Variants in NRCAM observed in about 807,000 individuals in gnomAD.
NRCAM encodes the protein neuronal cell adhesion molecule.
NRCAM carries 83 observed loss-of-function variants against 156.5 expected under a neutral mutation model. That is an observed-to-expected ratio of 0.53 (90% CI 0.44 to 0.64). The LOEUF is 0.64. NRCAM is among the 30% of genes least tolerant of loss of function. The pLI, the probability that NRCAM is intolerant of heterozygous loss-of-function variation, is 0.00. For synonymous variants in NRCAM, 538 were observed against 563.9 expected, an observed-to-expected ratio of 0.95 and a Z score of 0.65; for missense variants, 1,417 against 1,597.3, an observed-to-expected ratio of 0.89 and a Z score of 1.92.
intron 30 of NRCAM, among the ~76,000 whole-genome samples, chr7:108,162,291 C>T (rs1297989384): frequency 6.6e-6 from 1 of 152,232 alleles, no homozygotes; most frequent in Non-Finnish European, 1.5e-5. Flanking sequence ...TAGGCACTTC[C>T]TATTCTGAGA....
chr7:108,380,248 T>C (rs2099695087), intron 2 of NRCAM, among the ~76,000 whole-genome samples: 1 of 152,198 alleles, frequency 6.6e-6, no homozygotes, highest in South Asian at 2.1e-4. Context: ...ATGAAATTAA[T>C]TATATGAGGT....
intron 1 of NRCAM, among the ~76,000 whole-genome samples, chr7:108,450,753 G>C (rs1460184728): frequency 6.6e-6 from 1 of 152,036 alleles, no homozygotes; most frequent in African/African-American, 2.4e-5. Context: ...TCCTGGACTT[G>C]GACTACAACA....
chr7:108,268,069 A>G (rs1030973894), intron 3 of NRCAM, among the ~76,000 whole-genome samples: 4 of 152,208 alleles, frequency 2.6e-5, no homozygotes, highest in Non-Finnish European at 4.4e-5. Context: ...GCATTTCTTC[A>G]CTTTTAAAGA....
chr7:108,203,766 G>C (rs1029612934), intron 13 of NRCAM, among the ~76,000 whole-genome samples: 1 of 152,200 alleles, frequency 6.6e-6, no homozygotes, highest in African/African-American at 2.4e-5. Context: ...CCTGACAACA[G>C]TAGTTCAGAA....
At chr7:108,235,693 A>G (rs997508862) in intron 5 of NRCAM, among the ~76,000 whole-genome samples, 15 of 152,070 alleles carry the variant, frequency 9.9e-5, no homozygotes, top group Non-Finnish European at 1.5e-4. Context: ...ACATTTGGCC[A>G]TATCTGGAGG....
intron 3 of NRCAM, among the ~76,000 whole-genome samples, chr7:108,258,395 C>T (rs1465341995): frequency 6.6e-6 from 1 of 152,194 alleles, no homozygotes; most frequent in Admixed American, 6.5e-5. Flanking sequence ...GGCCACCCTT[C>T]ATTTTTCTGA....
chr7:108,187,769 G>A (rs2153412500), intron 20 of NRCAM, among the ~76,000 whole-genome samples: 1 of 152,040 alleles, frequency 6.6e-6, no homozygotes, highest in African/African-American at 2.4e-5. Flanking sequence ...GGCTAGTACG[G>A]CAAAACCCCA....
intron 3 of NRCAM, among the ~76,000 whole-genome samples, chr7:108,293,804 C>A (rs946430537): frequency 6.6e-6 from 1 of 152,160 alleles, no homozygotes; most frequent in African/African-American, 2.4e-5. Flanking sequence ...AGAGAGCTTA[C>A]GTAACTTGTA....
chr7:108,306,567 A>T (rs983183373), intron 3 of NRCAM, among the ~76,000 whole-genome samples: 1 of 152,190 alleles, frequency 6.6e-6, no homozygotes, highest in Non-Finnish European at 1.5e-5. Flanking sequence ...AAGTTTTTAA[A>T]GTAGTAGTAG....
At chr7:108,292,239 A>G (rs1445726515) in intron 3 of NRCAM, among the ~76,000 whole-genome samples, 1 of 152,176 alleles carries the variant, frequency 6.6e-6, no homozygotes, top group African/African-American at 2.4e-5. Flanking sequence ...CATGGCTACT[A>G]AGTAGCTCTG....
intron 2 of NRCAM, among the ~76,000 whole-genome samples, chr7:108,353,261 A>C (rs2099436057): frequency 6.6e-6 from 1 of 152,064 alleles, no homozygotes; most frequent in African/African-American, 2.4e-5. Flanking sequence ...AGGTTATGCC[A>C]CTTCCATTTT....
Position 108,160,474 on chromosome 7 carries a change from A to G in NRCAM, c.3485T>C (p.Val1162Ala), listed in dbSNP as rs777167336. ...ETGPAMASRQ[V>A]DIATQGWFIG... ...GAACCAGCCCTGAGTTGCAATATCC[A>G]CCTGCCGGCTTGCCATCGCTGGAAA... The change falls in exon 31 of 33, where the codon GTG becomes GCG. Residue 1162 changes from valine (V) to alanine (A), a missense_variant. By Grantham distance (64) the Val-to-Ala change is moderately conservative. Coordinates refer to ENST00000379028, the MANE Select transcript of NRCAM (RefSeq NM_001037132.4). 2.7e-5 allele frequency: 43 copies of G among 1,612,986 alleles called. No homozygotes were observed. Among genetic ancestry groups the G allele is most frequent in the Admixed American group, 5.0e-5 (3 of 59,854 alleles).
At chr7:108,314,865 G>A (rs1024055544) in intron 2 of NRCAM, among the ~76,000 whole-genome samples, 13 of 152,172 alleles carry the variant, frequency 8.5e-5, no homozygotes, top group African/African-American at 3.1e-4. Context: ...ATCTCATTTG[G>A]CTTATACTTT....
At position 108,231,404 on chromosome 7, in the gene NRCAM, A is replaced by G. The variant is rs956858005; in HGVS notation, c.428-251T>C. Among the ~76,000 whole-genome samples the G allele has an allele frequency of 2.0e-5, 3 of 151,794 alleles. 1 individual carries two copies. The highest frequency in any genetic ancestry group is 2.0e-4 in the Admixed American group (3 of 15,244). On this transcript the variant is annotated intron_variant, in intron 7 of 32. Transcript: ENST00000379028. ...GATTCCACAGCTGAGAATTTATACT[A>G]CATACATCATCAGGAAGACAAACAG...
chr7:108,314,667 A>G (rs2098865145), intron 2 of NRCAM, among the ~76,000 whole-genome samples: 1 of 152,212 alleles, frequency 6.6e-6, no homozygotes, highest in African/African-American at 2.4e-5. Flanking sequence ...TTATGGAAAA[A>G]TAAAATAATA....
intron 1 of NRCAM, among the ~76,000 whole-genome samples, chr7:108,449,509 CG>C (rs1172610867): frequency 6.6e-6 from 1 of 152,272 alleles, no homozygotes; most frequent in Non-Finnish European, 1.5e-5. Flanking sequence ...AAGGCAGCAG[CG>C]GACTCGCTCG....
intron 1 of NRCAM, among the ~76,000 whole-genome samples, chr7:108,424,130 C>T (rs929963239): frequency 1.3e-5 from 2 of 152,182 alleles, no homozygotes; most frequent in Non-Finnish European, 2.9e-5. Flanking sequence ...GAAAAGAAAC[C>T]ATATCCCTTC....
chr7:108,437,374 CAG>C lies in NRCAM; in HGVS notation c.-332+18867_-332+18868del, dbSNP rs1833510553. Among the ~76,000 whole-genome samples the C allele has an allele frequency of 5.3e-5, 8 of 152,126 alleles. No individual in the cohort carries two copies. In the South Asian group the frequency reaches 1.7e-3, roughly 32 times the overall value. On this transcript the variant is annotated intron_variant, in intron 1 of 32. Coordinates refer to ENST00000379028, the MANE Select transcript of NRCAM (RefSeq NM_001037132.4). ...TAAGACCTATTATTTGATAGCACAA[CAG>C]AGTGAATATATTCAATAATAATTTT... is the stretch of plus-strand genomic sequence containing the variant.
intron 2 of NRCAM, among the ~76,000 whole-genome samples, chr7:108,334,951 C>T (rs2099164111): frequency 6.6e-6 from 1 of 152,142 alleles, no homozygotes; most frequent in African/African-American, 2.4e-5. Flanking sequence ...TATATTAAGA[C>T]AGGGTTATGT....
Sources: gnomAD v4.1 joint callset for allele counts (sites outside exome capture counted in the v4.1 genomes callset) on GRCh38, gnomAD v4.1.1 for gene constraint, MANE v1.5 for transcripts, NCBI Gene and HGNC (gene_info 2026-07-23, HGNC 2026-07-21) for gene names.